Variants in SYT9 observed in about 807,000 individuals in gnomAD.
The protein encoded by SYT9 is synaptotagmin-9.
Under a neutral mutation model 48.4 loss-of-function variants are expected in SYT9, and 22 were observed. The observed-to-expected ratio is 0.45, with a 90% CI of 0.32 to 0.65. The LOEUF (loss-of-function observed/expected upper bound fraction) is 0.65, where lower values mean the gene tolerates loss of function less well. SYT9 is among the 30% of genes least tolerant of loss of function. The probability of loss-of-function intolerance (pLI) is 0.03; values close to 1 mark genes in which losing one functional copy is unlikely to be tolerated. For missense variants in SYT9, 577 were observed against 622.0 expected (o/e 0.93, Z 0.77); for synonymous variants, 265 against 245.0 (o/e 1.08, Z -0.76).
intron 1 of SYT9, among the ~76,000 whole-genome samples, chr11:7,244,131 T>C (rs1589882332): frequency 2.0e-5 from 3 of 152,326 alleles, no homozygotes; most frequent in East Asian, 3.9e-4. Flanking sequence ...ACCTGGAACA[T>C]GGCCCTCTGT....
At chr11:7,410,161 C>T (rs1847108752) in intron 3 of SYT9, among the ~76,000 whole-genome samples, 1 of 152,046 alleles carries the variant, frequency 6.6e-6, no homozygotes, top group South Asian at 2.1e-4. Flanking sequence ...ACCAGAGTTC[C>T]TCCTAGTATT....
At chr11:7,298,535 A>T (rs1047741442) in intron 1 of SYT9, among the ~76,000 whole-genome samples, 1 of 151,646 alleles carries the variant, frequency 6.6e-6, no homozygotes, top group African/African-American at 2.4e-5. Context: ...TTGTCTGTTT[A>T]TGTGTTCTTC....
At position 7,362,096 on chromosome 11, in the gene SYT9, T is replaced by C. The variant is rs566524816; in HGVS notation, c.1044+48155T>C. On this transcript the variant is annotated intron_variant, in intron 3 of 6. Transcript: ENST00000318881. ...GTACCATCCAGTAGTTTTCTTTTCT[T>C]CTCTTTTTTTCTTTTTCTTTCTTTC... Among the ~76,000 whole-genome samples, 9 of 151,888 alleles carry C rather than the reference T, an allele frequency of 5.9e-5. No homozygotes were observed. The South Asian group carries it at 1.9e-3, about 32-fold the overall frequency.
intron 3 of SYT9, among the ~76,000 whole-genome samples, chr11:7,347,234 A>ATTT (rs1387329020): frequency 1.2e-3 from 118 of 94,702 alleles, no homozygotes; most frequent in African/African-American, 4.2e-3. Flanking sequence ...TTTCATCAAA[A>ATTT]TATTTTTTTT....
intron 6 of SYT9, among the ~76,000 whole-genome samples, chr11:7,460,407 G>A (rs1253274637): frequency 6.6e-6 from 1 of 152,058 alleles, no homozygotes; most frequent in Middle Eastern, 3.4e-3. Flanking sequence ...TTAAGCAATT[G>A]ATTAACTACA....
At chr11:7,259,952 T>A (rs1487867) in intron 1 of SYT9, among the ~76,000 whole-genome samples, 82,098 of 151,952 alleles carry the variant, frequency 0.54, 22,271 homozygotes, top group Admixed American at 0.57. Flanking sequence ...TTTATTTATA[T>A]GAAATATGAA....
intron 3 of SYT9, among the ~76,000 whole-genome samples, chr11:7,339,828 G>C (rs1564868563): frequency 1.3e-5 from 2 of 152,158 alleles, no homozygotes; most frequent in Non-Finnish European, 2.9e-5. Flanking sequence ...TGATGATTAT[G>C]CATCTTGGAG....
chr11:7,366,235 C>G (rs1344414916), intron 3 of SYT9, among the ~76,000 whole-genome samples: 3 of 152,180 alleles, frequency 2.0e-5, no homozygotes, highest in Non-Finnish European at 4.4e-5. Flanking sequence ...GGATCACTCT[C>G]TCATACAGAC....
At chr11:7,263,939 CT>C (rs1848126891) in intron 1 of SYT9, among the ~76,000 whole-genome samples, 1 of 152,000 alleles carries the variant, frequency 6.6e-6, no homozygotes. Flanking sequence ...GACAAAATAA[CT>C]GTATGTTTGT....
chr11:7,330,800 G>A (rs1403160097), intron 3 of SYT9, among the ~76,000 whole-genome samples: 1 of 151,980 alleles, frequency 6.6e-6, no homozygotes, highest in Non-Finnish European at 1.5e-5. Flanking sequence ...GGGTTCAAGC[G>A]ATTCTCCTGC....
chr11:7,321,677 G>A (rs1849340911), intron 3 of SYT9, among the ~76,000 whole-genome samples: 1 of 152,180 alleles, frequency 6.6e-6, no homozygotes, highest in Admixed American at 6.5e-5. Flanking sequence ...CTCATAGGCA[G>A]TGTGCCCAGA....
Position 7,468,459 on chromosome 11 carries a change from T to G in SYT9, c.*1659T>G, listed in dbSNP as rs1366855758. On this transcript the variant is annotated 3_prime_UTR_variant, in exon 7 of 7. Coordinates refer to ENST00000318881, the MANE Select transcript of SYT9 (RefSeq NM_175733.4). ...AAGGTTCTGCCTATGTCTGATGACA[T>G]AAGGAAAACTTGGCTTCCTCTGCTC... 1 of 396,464 alleles carries G rather than the reference T, an allele frequency of 2.5e-6. No individual in the cohort carries two copies. Among genetic ancestry groups the G allele is most frequent in the Non-Finnish European group, 4.4e-6 (1 of 225,130 alleles). The allele number at this position is 396,464 out of a possible 1,614,324, so 24.6% of individuals were successfully genotyped here.
chr11:7,293,695 G>A (rs1398257716), intron 1 of SYT9, among the ~76,000 whole-genome samples: 1 of 152,188 alleles, frequency 6.6e-6, no homozygotes, highest in Non-Finnish European at 1.5e-5. Context: ...AGATCACTGA[G>A]GGGCAGTGAC....
chr11:7,280,232 G>A (rs1026623801), intron 1 of SYT9, among the ~76,000 whole-genome samples: 4 of 152,200 alleles, frequency 2.6e-5, no homozygotes, highest in Non-Finnish European at 4.4e-5. Flanking sequence ...CTCACAGAAT[G>A]CTTTTCTTGA....
intron 1 of SYT9, among the ~76,000 whole-genome samples, chr11:7,255,330 CGT>C (rs10588341): frequency 0.52 from 79,468 of 151,522 alleles, 20,999 homozygotes; most frequent in Admixed American, 0.56. Flanking sequence ...AGTGATAAGA[CGT>C]GTATGGTCAA....
chr11:7,373,986 A>G (rs1214080296), intron 3 of SYT9, among the ~76,000 whole-genome samples: 3 of 152,062 alleles, frequency 2.0e-5, no homozygotes, highest in Non-Finnish European at 2.9e-5. Flanking sequence ...GGTTTGTTAC[A>G]TAGGTATACA....
chr11:7,386,276 C>G (rs1850656011), intron 3 of SYT9, among the ~76,000 whole-genome samples: 1 of 151,960 alleles, frequency 6.6e-6, no homozygotes, highest in Admixed American at 6.6e-5. Context: ...GAAATGGCAA[C>G]AAAAGCCAAA....
chr11:7,246,422 TAGA>T (rs1007268607), intron 1 of SYT9, among the ~76,000 whole-genome samples: 2 of 152,240 alleles, frequency 1.3e-5, no homozygotes, highest in East Asian at 1.9e-4. Context: ...TTCTGAATCA[TAGA>T]AGAATACATA....
chr11:7,381,944 T>C (rs1276179533), intron 3 of SYT9, among the ~76,000 whole-genome samples: 1 of 152,122 alleles, frequency 6.6e-6, no homozygotes, highest in Non-Finnish European at 1.5e-5. Context: ...GGAATCCCAA[T>C]CATGTGGGGA....
Sources: gnomAD v4.1 joint callset for allele counts (sites outside exome capture counted in the v4.1 genomes callset) on GRCh38, gnomAD v4.1.1 for gene constraint, MANE v1.5 for transcripts, NCBI Gene and HGNC (gene_info 2026-07-23, HGNC 2026-07-21) for gene names.